The following GMPS variants were observed in gnomAD, a reference collection of about 807,000 sequenced individuals.
The protein encoded by GMPS is guanosine monophosphate synthase.
GMPS carries 15 observed loss-of-function variants against 77.9 expected under a neutral mutation model. The observed-to-expected ratio is 0.19, with a 90% CI of 0.13 to 0.30. GMPS has a LOEUF of 0.30. Among genes scored for constraint, GMPS ranks in the 10% least tolerant of loss-of-function variants. The pLI, the probability that GMPS is intolerant of heterozygous loss-of-function variation, is 1.00. For missense variants in GMPS, 590 were observed against 838.8 expected (o/e 0.70, Z 3.66); for synonymous variants, 224 against 275.9 (o/e 0.81, Z 1.86).
chr3:155,901,285 A>G (rs1176299609), intron 3 of GMPS, among the ~76,000 whole-genome samples: 1 of 152,036 alleles, frequency 6.6e-6, no homozygotes, highest in East Asian at 1.9e-4. Flanking sequence ...AAGTCATACT[A>G]CCTGTATTAT....
chr3:155,927,827 A>G (rs80223370), intron 12 of GMPS, among the ~76,000 whole-genome samples: 8,285 of 152,138 alleles, frequency 0.054, 318 homozygotes, highest in East Asian at 0.18. Context: ...GAACATCATG[A>G]ACTTACCTTT....
intron 1 of GMPS, among the ~76,000 whole-genome samples, chr3:155,886,286 G>T (rs1014723398): frequency 1.3e-5 from 2 of 151,082 alleles, no homozygotes; most frequent in African/African-American, 2.4e-5. Context: ...TAAAAATCTA[G>T]CATGTCTGGC....
intron 1 of GMPS, among the ~76,000 whole-genome samples, chr3:155,893,042 G>A (rs1754512632): frequency 6.6e-6 from 1 of 152,230 alleles, no homozygotes; most frequent in African/African-American, 2.4e-5. Context: ...TTATACTCTA[G>A]TGTCAAACTT....
intron 1 of GMPS, among the ~76,000 whole-genome samples, chr3:155,875,689 T>C (rs1355966275): frequency 6.6e-6 from 1 of 152,250 alleles, no homozygotes; most frequent in Non-Finnish European, 1.5e-5. Context: ...GTGTGGCATA[T>C]ACAATTCTGG....
At chr3:155,895,558 G>A (rs1296598966) in intron 2 of GMPS, 6 of 152,124 alleles carry the variant, frequency 3.9e-5, no homozygotes, top group Non-Finnish European at 7.3e-5. Flanking sequence ...TAATCTGCCC[G>A]TTTCAGCCTC....
intron 4 of GMPS, 151 bp from the exon 5 acceptor site, chr3:155,906,009 T>G: frequency 2.2e-6 from 1 of 459,932 alleles, no homozygotes; most frequent in Non-Finnish European, 3.8e-6. Flanking sequence ...GTAATGGACA[T>G]AATATTTGAA....
At chr3:155,920,819 T>A (rs1245406107) in intron 10 of GMPS, among the ~76,000 whole-genome samples, 1 of 152,208 alleles carries the variant, frequency 6.6e-6, no homozygotes, top group Non-Finnish European at 1.5e-5. Flanking sequence ...GGGAATTAAT[T>A]GGACATAGCT....
chr3:155,897,606 T>C (rs553655363), intron 2 of GMPS, among the ~76,000 whole-genome samples: 1 of 152,288 alleles, frequency 6.6e-6, no homozygotes, highest in East Asian at 1.9e-4. Flanking sequence ...ACTTCTTCCA[T>C]TGATAAGGAA....
At chr3:155,911,323 G>A (rs951256751) in intron 7 of GMPS, 44 bp downstream of exon 7, 1 of 1,299,488 alleles carries the variant, frequency 7.7e-7, no homozygotes. Flanking sequence ...GTTAGGACTT[G>A]TTTAATCAAA....
At chr3:155,871,033 G>A (rs1174670835) in intron 1 of GMPS, 136 bp downstream of exon 1, 1 of 710,764 alleles carries the variant, frequency 1.4e-6, no homozygotes, top group Non-Finnish European at 2.1e-6. Flanking sequence ...GCAGCCACGC[G>A]TCGTAGAGTC....
intron 7 of GMPS, among the ~76,000 whole-genome samples, chr3:155,913,812 T>C (rs2874232): frequency 0.27 from 41,045 of 151,590 alleles, 5,866 homozygotes; most frequent in South Asian, 0.44. Context: ...TGAGCCACCG[T>C]GCCGGCCCTA....
intron 12 of GMPS, among the ~76,000 whole-genome samples, chr3:155,927,574 C>T (rs1490646008): frequency 6.6e-6 from 1 of 152,030 alleles, no homozygotes; most frequent in Non-Finnish European, 1.5e-5. Context: ...AGTCTCTTAC[C>T]CTTTGAAGCT....
intron 3 of GMPS, among the ~76,000 whole-genome samples, chr3:155,899,654 T>G (rs1425842766): frequency 6.6e-6 from 1 of 152,212 alleles, no homozygotes; most frequent in African/African-American, 2.4e-5. Flanking sequence ...TCATTCTTGA[T>G]TTTTGTACAT....
intron 1 of GMPS, among the ~76,000 whole-genome samples, chr3:155,879,559 G>T (rs776599986): frequency 6.6e-6 from 1 of 151,972 alleles, no homozygotes; most frequent in Non-Finnish European, 1.5e-5. Context: ...GAGCTACCAC[G>T]CCTGACCCAC....
At chr3:155,908,774 T>C (rs1219627783) in intron 5 of GMPS, among the ~76,000 whole-genome samples, 1 of 152,208 alleles carries the variant, frequency 6.6e-6, no homozygotes, top group East Asian at 1.9e-4. Context: ...AAATTCAAGA[T>C]GGTTTATTAA....
At chr3:155,918,057 A>G (rs1257454139) in intron 9 of GMPS, among the ~76,000 whole-genome samples, 8 of 152,198 alleles carry the variant, frequency 5.3e-5, no homozygotes, top group Non-Finnish European at 8.8e-5. Context: ...GCACCATTTT[A>G]CAATCTAACC....
At chr3:155,897,204 T>C (rs761551452) in intron 2 of GMPS, among the ~76,000 whole-genome samples, 8 of 152,208 alleles carry the variant, frequency 5.3e-5, no homozygotes, top group Non-Finnish European at 1.2e-4. Context: ...TGAATACTCA[T>C]GGCCAGTGTA....
chr3:155,909,847 TG>T (rs1754983710), intron 5 of GMPS, among the ~76,000 whole-genome samples: 1 of 142,312 alleles, frequency 7.0e-6, no homozygotes. Flanking sequence ...GAGGCTGAGG[TG>T]GAAGGATCAC....
At position 155,938,261 on chromosome 3, in the gene GMPS, G is replaced by A. The variant is rs550978397; in HGVS notation, c.*569G>A. 1 of 220,730 alleles carries A rather than the reference G, an allele frequency of 4.5e-6. No individual in the cohort carries two copies. The highest frequency in any genetic ancestry group is 9.1e-6 in the Non-Finnish European group (1 of 110,160). 13.7% of individuals were successfully genotyped at this position (220,730 alleles called of 1,614,324 possible). ...GCTACCATAAGATGGAAAAGCACCA[G>A]GAATTTGTTGATGTACTTTTGAATT... On this transcript the variant is annotated 3_prime_UTR_variant, in exon 16 of 16. Coordinates refer to ENST00000496455, the MANE Select transcript of GMPS (RefSeq NM_003875.3).
Sources: allele counts gnomAD v4.1 joint callset (sites outside exome capture counted in the v4.1 genomes callset), GRCh38; gene constraint gnomAD v4.1.1; transcripts MANE v1.5; gene names NCBI Gene and HGNC (gene_info 2026-07-23, HGNC 2026-07-21).